ADARB2: variants seen among roughly 807,000 people sequenced by gnomAD.
The protein encoded by ADARB2 is inactive double-stranded RNA-specific editase B2.
ADARB2 carries 25 observed loss-of-function variants against 62.2 expected under a neutral mutation model. The observed-to-expected ratio is 0.40, with a 90% CI of 0.29 to 0.56. The LOEUF (loss-of-function observed/expected upper bound fraction) is 0.56. ADARB2 is among the 20% of genes least tolerant of loss of function. ADARB2 has a pLI of 0.43. For missense variants in ADARB2, 1,071 were observed against 1,077.4 expected (o/e 0.99, Z 0.08); for synonymous variants, 572 against 500.8 (o/e 1.14, Z -1.90).
chr10:1,467,210 C>T (rs1205636125), intron 1 of ADARB2, among the ~76,000 whole-genome samples: 1 of 152,142 alleles, frequency 6.6e-6, no homozygotes, highest in Non-Finnish European at 1.5e-5. Context: ...ACTGTAACTG[C>T]TCATCGGTTT....
At chr10:1,698,496 A>G (rs930291848) in intron 1 of ADARB2, among the ~76,000 whole-genome samples, 3 of 152,354 alleles carry the variant, frequency 2.0e-5, no homozygotes, top group Admixed American at 2.0e-4. Flanking sequence ...TGGAATAACA[A>G]TATGTTGCTC....
chr10:1,233,627 GA>G, intron 6 of ADARB2, 66 bp downstream of exon 6: 1 of 1,512,636 alleles, frequency 6.6e-7, no homozygotes, highest in East Asian at 2.4e-5. Flanking sequence ...GAAAGCCCAG[GA>G]CAGAGTCCCA....
intron 1 of ADARB2, among the ~76,000 whole-genome samples, chr10:1,657,935 T>C (rs1834192535): frequency 7.1e-6 from 1 of 141,566 alleles, no homozygotes; most frequent in South Asian, 2.3e-4. Context: ...CTGTCTCTCT[T>C]TATCTGATTC....
intron 3 of ADARB2, chr10:1,361,165 A>T (rs1832249951): frequency 6.6e-6 from 1 of 152,452 alleles, no homozygotes; most frequent in Non-Finnish European, 1.5e-5. Context: ...CAGCATTAGG[A>T]GGGCTCTCTC....
At chr10:1,313,410 T>TG (rs1162425471) in intron 3 of ADARB2, among the ~76,000 whole-genome samples, 1 of 152,206 alleles carries the variant, frequency 6.6e-6, no homozygotes, top group Non-Finnish European at 1.5e-5. Context: ...GAGGCCTCAC[T>TG]GAGTGCCAGG....
chr10:1,379,612 G>A lies in ADARB2; in HGVS notation c.101-452C>T, dbSNP rs142273534. Among the ~76,000 whole-genome samples the A allele has an allele frequency of 2.6e-5, 4 of 152,316 alleles. No individual in the cohort carries two copies. In the East Asian group the frequency reaches 5.8e-4, roughly 22 times the overall value. ...TATTAGTGCAGAATTTGCTTTCTGGGCTTGACATGCATTAAAAATAAAGGA... is the reference window on the plus strand; with the variant it reads ...TATTAGTGCAGAATTTGCTTTCTGGACTTGACATGCATTAAAAATAAAGGA... On this transcript the variant is annotated intron_variant, in intron 1 of 9. Coordinates refer to ENST00000381312, the MANE Select transcript of ADARB2 (RefSeq NM_018702.4).
At chr10:1,709,389 A>C (rs566458424) in intron 1 of ADARB2, among the ~76,000 whole-genome samples, 10 of 152,358 alleles carry the variant, frequency 6.6e-5, no homozygotes, top group Admixed American at 2.6e-4. Context: ...AAAAATTAGA[A>C]AGAATCCATC....
chr10:1,300,866 G>C (rs781393125), intron 3 of ADARB2, among the ~76,000 whole-genome samples: 5 of 152,190 alleles, frequency 3.3e-5, no homozygotes, highest in African/African-American at 7.2e-5. Flanking sequence ...TGCCAAAAGA[G>C]AGGACATGTA....
intron 1 of ADARB2, among the ~76,000 whole-genome samples, chr10:1,420,840 A>G (rs963610815): frequency 6.6e-6 from 1 of 152,168 alleles, no homozygotes; most frequent in African/African-American, 2.4e-5. Context: ...AAGCAGTGCT[A>G]TGTCTTGTAA....
At chr10:1,306,625 A>C (rs1029019308) in intron 3 of ADARB2, among the ~76,000 whole-genome samples, 4 of 138,966 alleles carry the variant, frequency 2.9e-5, no homozygotes, top group African/African-American at 1.0e-4. Flanking sequence ...CAAAAGAACA[A>C]AGCTGGAGGC....
intron 1 of ADARB2, among the ~76,000 whole-genome samples, chr10:1,707,383 C>G (rs1018254042): frequency 6.6e-6 from 1 of 152,242 alleles, no homozygotes; most frequent in Non-Finnish European, 1.5e-5. Flanking sequence ...GAACGTTTGT[C>G]TGCCCCAGTG....
At chr10:1,213,315 A>G (rs2131751289) in intron 7 of ADARB2, among the ~76,000 whole-genome samples, 1 of 152,196 alleles carries the variant, frequency 6.6e-6, no homozygotes, top group South Asian at 2.1e-4. Flanking sequence ...AGACATAGAG[A>G]CAGACGCAGA....
chr10:1,520,389 G>A (rs1416316711), intron 1 of ADARB2, among the ~76,000 whole-genome samples: 1 of 152,208 alleles, frequency 6.6e-6, no homozygotes, highest in Non-Finnish European at 1.5e-5. Flanking sequence ...GGGGTTATGA[G>A]TGACTTTTCA....
chr10:1,585,257 C>T (rs1313545358), intron 1 of ADARB2, among the ~76,000 whole-genome samples: 1 of 152,064 alleles, frequency 6.6e-6, no homozygotes, highest in African/African-American at 2.4e-5. Flanking sequence ...CTCAATTATG[C>T]TGTGAACCCC....
chr10:1,471,377 G>C (rs938532634), intron 1 of ADARB2, among the ~76,000 whole-genome samples: 2 of 152,042 alleles, frequency 1.3e-5, no homozygotes, highest in East Asian at 1.9e-4. Context: ...GTAAAACTAA[G>C]AGCAGACCTT....
intron 1 of ADARB2, among the ~76,000 whole-genome samples, chr10:1,483,315 A>T (rs1483378487): frequency 6.6e-6 from 1 of 152,206 alleles, no homozygotes; most frequent in South Asian, 2.1e-4. Context: ...ATTTTTCTGA[A>T]CACGTGAGCT....
intron 9 of ADARB2, 102 bp downstream of exon 9, chr10:1,184,759 C>T: frequency 2.3e-6 from 3 of 1,329,652 alleles, no homozygotes; most frequent in Non-Finnish European, 3.1e-6. Flanking sequence ...CGTGCATCTC[C>T]CTCCCTGCAG....
intron 1 of ADARB2, among the ~76,000 whole-genome samples, chr10:1,510,182 CTT>C (rs1280623929): frequency 2.9e-5 from 3 of 103,388 alleles, no homozygotes; most frequent in African/African-American, 7.3e-5. Flanking sequence ...TTCTTTCTTT[CTT>C]TTTCTTTCTT....
chr10:1,196,969 T>C (rs1836919816), intron 8 of ADARB2, among the ~76,000 whole-genome samples: 1 of 152,224 alleles, frequency 6.6e-6, no homozygotes, highest in Admixed American at 6.5e-5. Context: ...TGCAAGGGCA[T>C]GGGAAGATAA....
Sources: allele counts gnomAD v4.1 joint callset (sites outside exome capture counted in the v4.1 genomes callset), GRCh38; gene constraint gnomAD v4.1.1; transcripts MANE v1.5; gene names NCBI Gene and HGNC (gene_info 2026-07-23, HGNC 2026-07-21).